ZFHX4: variants seen among roughly 807,000 people sequenced by gnomAD.
ZFHX4 encodes the protein zinc finger homeobox 4.
ZFHX4 carries 56 observed loss-of-function variants against 267.6 expected under a neutral mutation model. The ratio of observed to expected loss-of-function variants is 0.21; its 90% CI spans 0.17 to 0.26. The LOEUF is 0.26. Among genes scored for constraint, ZFHX4 ranks in the 10% least tolerant of loss-of-function variants. The pLI, the probability that ZFHX4 is intolerant of heterozygous loss-of-function variation, is 1.00. For synonymous variants in ZFHX4, 1,778 were observed against 1,665.6 expected (o/e 1.07, Z -1.64); for missense variants, 4,332 against 4,420.0 (o/e 0.98, Z 0.56).
At chr8:76,692,218 C>G (rs546873695) in intron 1 of ZFHX4, among the ~76,000 whole-genome samples, 1 of 152,088 alleles carries the variant, frequency 6.6e-6, no homozygotes, top group African/African-American at 2.4e-5. Flanking sequence ...CACATGAACT[C>G]AAGATTCCAG....
At position 76,856,060 on chromosome 8, in the gene ZFHX4, A is replaced by G. The variant is rs921602308; in HGVS notation, c.9139A>G (p.Lys3047Glu). The change falls in exon 10 of 11, where the codon AAA becomes GAA. Residue 3047 changes from lysine to glutamate, a missense_variant. Physicochemically the swap from Lys to Glu is moderately conservative, Grantham distance 56. Around this residue, in one of 7 missense-constraint regions of ZFHX4, gnomAD observed 1,648 missense variants for 1,625.0 expected, o/e 1.01. Coordinates refer to ENST00000651372, the MANE Select transcript of ZFHX4 (RefSeq NM_024721.5). ...ETVGSQLDRE[K>E]DYLAPTTVRQ... ...CGTTGGCAGTCAGCTCGATCGGGAGAAAGATTACTTGGCTCCGACCACGGT... is the reference window on the plus strand; with the variant it reads ...CGTTGGCAGTCAGCTCGATCGGGAGGAAGATTACTTGGCTCCGACCACGGT... 6.2e-7 allele frequency: 1 copy of G among 1,613,796 alleles called. No individual in the cohort carries two copies. The highest frequency in any genetic ancestry group is 1.3e-5 in the African/African-American group (1 of 74,890).
chr8:76,860,372 A>T (rs958094630), intron 10 of ZFHX4, among the ~76,000 whole-genome samples: 3 of 152,026 alleles, frequency 2.0e-5, no homozygotes, highest in Admixed American at 2.0e-4. Flanking sequence ...TCTTCTAAAA[A>T]TCTTTATTAC....
intron 3 of ZFHX4, among the ~76,000 whole-genome samples, chr8:76,738,150 T>G (rs938707555): frequency 2.6e-5 from 4 of 152,148 alleles, no homozygotes; most frequent in Non-Finnish European, 5.9e-5. Flanking sequence ...TAGTGGCACA[T>G]GTATCCAAAA....
chr8:76,831,722 T>G (rs1418343757), intron 4 of ZFHX4, among the ~76,000 whole-genome samples: 1 of 152,110 alleles, frequency 6.6e-6, no homozygotes, highest in African/African-American at 2.4e-5. Flanking sequence ...AAGCTAATCA[T>G]CATGGGTGCA....
At chr8:76,839,740 C>G (rs1314592142) in intron 5 of ZFHX4, among the ~76,000 whole-genome samples, 1 of 152,124 alleles carries the variant, frequency 6.6e-6, no homozygotes, top group East Asian at 1.9e-4. Flanking sequence ...TTCCTCAGTT[C>G]TACAGTATCT....
At chr8:76,846,648 G>A (rs1812372474) in intron 6 of ZFHX4, among the ~76,000 whole-genome samples, 2 of 151,788 alleles carry the variant, frequency 1.3e-5, no homozygotes, top group South Asian at 4.1e-4. Context: ...AATATACATG[G>A]TATTAATTAT....
chr8:76,742,107 T>C (rs1809333542), intron 3 of ZFHX4, among the ~76,000 whole-genome samples: 1 of 152,158 alleles, frequency 6.6e-6, no homozygotes. Context: ...AATGAGGATG[T>C]ACAAGAGGAA....
At chr8:76,714,357 G>A (rs1808509424) in intron 3 of ZFHX4, among the ~76,000 whole-genome samples, 1 of 152,228 alleles carries the variant, frequency 6.6e-6, no homozygotes, top group Non-Finnish European at 1.5e-5. Context: ...GCTGGCATGT[G>A]TATAATGACC....
intron 3 of ZFHX4, among the ~76,000 whole-genome samples, chr8:76,774,151 A>G (rs1022132534): frequency 6.6e-6 from 1 of 152,158 alleles, no homozygotes; most frequent in Admixed American, 6.6e-5. Context: ...CATTATCATT[A>G]TAATGTTGAG....
chr8:76,726,603 T>A (rs936682411), intron 3 of ZFHX4, among the ~76,000 whole-genome samples: 7 of 152,210 alleles, frequency 4.6e-5, no homozygotes, highest in South Asian at 2.1e-4. Flanking sequence ...TTCCCTTTTT[T>A]AACTCATATT....
chr8:76,714,683 C>T (rs1277895395), intron 3 of ZFHX4, among the ~76,000 whole-genome samples: 2 of 152,182 alleles, frequency 1.3e-5, no homozygotes, highest in African/African-American at 4.8e-5. Context: ...AATATAGAAG[C>T]ACTTATTGAA....
At chr8:76,812,393 T>C (rs1652671803) in intron 4 of ZFHX4, among the ~76,000 whole-genome samples, 1 of 152,172 alleles carries the variant, frequency 6.6e-6, no homozygotes, top group Non-Finnish European at 1.5e-5. Flanking sequence ...ATGAGTTGAG[T>C]TGTGCACTCT....
rs372591784 is a variant in ZFHX4, at chr8:76,855,344, C to T, written c.8423C>T (p.Thr2808Met). ...TDFDETSSIN[T>M]AISDATTGDE... ...TTTGATGAGACTTCATCGATTAATA[C>T]GGCAATCAGTGACGCCACCACCGGA... is the stretch of plus-strand genomic sequence containing the variant. Residue 2808 changes from threonine (T) to methionine (M), a missense_variant, in exon 10 of 11, where the codon ACG (threonine) becomes ATG (methionine). Physicochemically the swap from Thr to Met is moderately conservative, Grantham distance 81. Transcript: ENST00000651372. 5.0e-6 allele frequency: 8 copies of T among 1,613,378 alleles called. No homozygotes were observed. In the African/African-American group the frequency reaches 9.4e-5, roughly 19 times the overall value.
intron 4 of ZFHX4, among the ~76,000 whole-genome samples, chr8:76,829,092 G>T (rs1481001372): frequency 6.6e-6 from 1 of 152,058 alleles, no homozygotes; most frequent in Non-Finnish European, 1.5e-5. Flanking sequence ...TGTGCTGAAT[G>T]CATCCCAAAT....
Position 76,863,119 on chromosome 8 carries a change from G to A in ZFHX4, c.9405G>A (p.Met3135Ile), listed in dbSNP as rs1457643847. Reference sequence around the variant, plus strand: ...CTTTAACACCTCCCGGTGCAGGCATGCTTGGGTTTCCTACTTCAGCTACTT... The same window carrying A: ...CTTTAACACCTCCCGGTGCAGGCATACTTGGGTTTCCTACTTCAGCTACTT... Reference protein sequence around the residue: ...SNTLTPPGAGMLGFPTSATSS... With the variant: ...SNTLTPPGAGILGFPTSATSS... Residue 3135 changes from methionine to isoleucine, a missense_variant, in exon 11 of 11, where the codon ATG becomes ATA. Met to Ile is a conservative substitution (Grantham distance 10). Around this residue, in one of 7 missense-constraint regions of ZFHX4, gnomAD observed 1,648 missense variants for 1,625.0 expected, o/e 1.01. Coordinates refer to ENST00000651372, the MANE Select transcript of ZFHX4 (RefSeq NM_024721.5). 2 of 1,532,228 alleles carry A rather than the reference G, an allele frequency of 1.3e-6. No homozygotes were observed. Among genetic ancestry groups the A allele is most frequent in the Non-Finnish European group, 8.8e-7 (1 of 1,138,270 alleles). The allele number at this position is 1,532,228 out of a possible 1,614,324, so 94.9% of individuals were successfully genotyped here.
Position 76,706,400 on chromosome 8 carries a change from T to G in ZFHX4, c.2312T>G (p.Val771Gly). The change falls in exon 2 of 11, where the codon GTT (valine) becomes GGT (glycine). Residue 771 changes from valine to glycine, a missense_variant. By Grantham distance (109) the Val-to-Gly change is moderately radical (BLOSUM62 -3). This residue lies in a region of ZFHX4 where 1,195 missense variants were observed against 1,173.6 expected (regional missense o/e 1.02). Transcript: ENST00000651372. ...CAGAAACCCACCTGGCGGTGTGAAG[T>G]TTGTGATTATGAAACCAATGTCGCC... ...PKQKPTWRCE[V>G]CDYETNVARN... 1 of 1,614,140 alleles carries G rather than the reference T, an allele frequency of 6.2e-7. No individual in the cohort carries two copies. Among genetic ancestry groups the G allele is most frequent in the Non-Finnish European group, 8.5e-7 (1 of 1,179,998 alleles).
At chr8:76,718,329 T>C (rs1808631178) in intron 3 of ZFHX4, among the ~76,000 whole-genome samples, 1 of 152,206 alleles carries the variant, frequency 6.6e-6, no homozygotes, top group Non-Finnish European at 1.5e-5. Flanking sequence ...TTGTTTACTA[T>C]GTGAAGTCAA....
Position 76,723,444 on chromosome 8 carries a change from T to G in ZFHX4, c.3093+15396T>G, listed in dbSNP as rs180777289. 1.1e-3 allele frequency among the ~76,000 whole-genome samples: 171 copies of G among 152,186 alleles called. 3 individuals are homozygous for G. Among genetic ancestry groups the G allele is most frequent in the Non-Finnish European group, 5.3e-4 (36 of 67,946 alleles). Reference sequence around the variant, plus strand: ...AATTACATATGTCAGGTTGCTTGTTTCCCATTGTTTTGCTTAATCCATGAA... The same window carrying G: ...AATTACATATGTCAGGTTGCTTGTTGCCCATTGTTTTGCTTAATCCATGAA... On this transcript the variant is annotated intron_variant, in intron 3 of 10. Transcript: ENST00000651372.
chr8:76,823,555 C>A (rs547332847), intron 4 of ZFHX4, among the ~76,000 whole-genome samples: 1 of 152,238 alleles, frequency 6.6e-6, no homozygotes, highest in African/African-American at 2.4e-5. Flanking sequence ...TTCCAGATTT[C>A]TTTCACTTAT....
Sources: gnomAD v4.1 joint callset for allele counts (sites outside exome capture counted in the v4.1 genomes callset) on GRCh38, gnomAD v4.1.1 for gene constraint, gnomAD v4.1.1 regional missense constraint, MANE v1.5 for transcripts, NCBI Gene and HGNC (gene_info 2026-07-23, HGNC 2026-07-21) for gene names.